Variants in TMEM117 observed in about 807,000 individuals in gnomAD.
TMEM117 encodes transmembrane protein 117.
A neutral mutation model predicts 52.4 loss-of-function variants in TMEM117; 27 were observed. That is an observed-to-expected ratio of 0.51 (90% CI 0.38 to 0.71). TMEM117 has a LOEUF of 0.71. TMEM117 is among the 30% of genes least tolerant of loss of function. TMEM117 has a pLI of 0.00. For missense variants in TMEM117, 556 were observed against 630.5 expected, an observed-to-expected ratio of 0.88 and a Z score of 1.26; for synonymous variants, 215 against 206.3, an observed-to-expected ratio of 1.04 and a Z score of -0.36.
At chr12:43,811,865 C>T in the TMEM117 span, among the ~76,000 whole-genome samples, 12 of 152,290 alleles carry the variant, frequency 7.9e-5, no homozygotes, top group Middle Eastern at 3.4e-3. Flanking sequence ...TATTCCTTTG[C>T]ATAAAAGCAG....
At chr12:43,879,797 C>T (rs2137447481) in intron 2 of TMEM117, among the ~76,000 whole-genome samples, 1 of 152,268 alleles carries the variant, frequency 6.6e-6, no homozygotes, top group East Asian at 1.9e-4. Context: ...CCAGGCCTTC[C>T]TGTGTTATCT....
intron 5 of TMEM117, among the ~76,000 whole-genome samples, chr12:44,238,269 A>T (rs1950021974): frequency 6.6e-6 from 1 of 152,300 alleles, no homozygotes; most frequent in South Asian, 2.1e-4. Context: ...GTATCTTTAC[A>T]AATATTGTAA....
chr12:44,371,288 G>A (rs968254017), intron 6 of TMEM117, among the ~76,000 whole-genome samples: 3 of 152,142 alleles, frequency 2.0e-5, no homozygotes, highest in Admixed American at 2.0e-4. Flanking sequence ...ACGGGGCATA[G>A]AGATTAACAT....
chr12:44,130,259 A>G (rs1390755342), intron 3 of TMEM117, among the ~76,000 whole-genome samples: 5 of 152,190 alleles, frequency 3.3e-5, no homozygotes, highest in Non-Finnish European at 5.9e-5. Flanking sequence ...GTTATAAAAT[A>G]TTATTAAGTG....
intron 3 of TMEM117, among the ~76,000 whole-genome samples, chr12:44,099,776 T>C (rs1035265409): frequency 1.3e-5 from 2 of 152,084 alleles, no homozygotes; most frequent in Non-Finnish European, 2.9e-5. Context: ...AGAAGCAGAA[T>C]ATTATTTTGC....
intron 6 of TMEM117, among the ~76,000 whole-genome samples, chr12:44,364,834 C>A (rs1032934341): frequency 3.9e-5 from 6 of 152,048 alleles, no homozygotes; most frequent in African/African-American, 1.4e-4. Context: ...ATATGCACAG[C>A]CGCAGTATGT....
intron 3 of TMEM117, among the ~76,000 whole-genome samples, chr12:44,024,206 T>C (rs748190240): frequency 2.0e-5 from 3 of 152,200 alleles, no homozygotes; most frequent in Non-Finnish European, 4.4e-5. Context: ...CATTAGGGTG[T>C]GACGGCAAAG....
At chr12:43,968,865 C>A (rs886949766) in intron 3 of TMEM117, among the ~76,000 whole-genome samples, 9 of 152,128 alleles carry the variant, frequency 5.9e-5, no homozygotes, top group Admixed American at 3.9e-4. Flanking sequence ...GTTTTTACTG[C>A]AGCCTGCACA....
chr12:44,021,160 G>A (rs1418317056), intron 3 of TMEM117, among the ~76,000 whole-genome samples: 1 of 151,996 alleles, frequency 6.6e-6, no homozygotes, highest in African/African-American at 2.4e-5. Context: ...TTGTTACATA[G>A]GTAAACTCAT....
At chr12:43,934,608 T>A (rs963385490) in intron 2 of TMEM117, among the ~76,000 whole-genome samples, 88 of 152,314 alleles carry the variant, frequency 5.8e-4, no homozygotes, top group African/African-American at 1.7e-3. Flanking sequence ...TCCTTTTTTT[T>A]ATAGAACCTC....
At chr12:43,801,559 T>C in the TMEM117 span, among the ~76,000 whole-genome samples, 1 of 152,222 alleles carries the variant, frequency 6.6e-6, no homozygotes, top group African/African-American at 2.4e-5. Flanking sequence ...CCAGCTTTCC[T>C]AAAATACTTG....
At chr12:43,876,014 T>A (rs953198111) in intron 2 of TMEM117, among the ~76,000 whole-genome samples, 4 of 152,208 alleles carry the variant, frequency 2.6e-5, no homozygotes, top group African/African-American at 9.6e-5. Flanking sequence ...TTTGATTGGC[T>A]TAGTTCTTTT....
intron 3 of TMEM117, among the ~76,000 whole-genome samples, chr12:44,012,432 C>G (rs1946308201): frequency 6.8e-6 from 1 of 146,726 alleles, no homozygotes; most frequent in Non-Finnish European, 1.5e-5. Context: ...TTCTGATATT[C>G]CCATTACACA....
chr12:44,324,164 T>A (rs1303186350), intron 6 of TMEM117, among the ~76,000 whole-genome samples: 1 of 152,076 alleles, frequency 6.6e-6, no homozygotes, highest in African/African-American at 2.4e-5. Flanking sequence ...GCCATTCTCA[T>A]ATAATTATGG....
the TMEM117 span, among the ~76,000 whole-genome samples, chr12:43,812,624 G>A: frequency 5.9e-5 from 9 of 152,024 alleles, no homozygotes; most frequent in African/African-American, 1.7e-4. Flanking sequence ...TTCTGCTCCC[G>A]GGTCCACACT....
intron 3 of TMEM117, among the ~76,000 whole-genome samples, chr12:44,011,598 T>C (rs7959226): frequency 0.16 from 23,698 of 152,056 alleles, 2,749 homozygotes; most frequent in African/African-American, 0.33. Context: ...TTTTTCATCC[T>C]AGTCTTGAGT....
intron 5 of TMEM117, among the ~76,000 whole-genome samples, chr12:44,255,850 T>C (rs1054865736): frequency 3.9e-5 from 6 of 152,134 alleles, no homozygotes; most frequent in Non-Finnish European, 8.8e-5. Flanking sequence ...AAATATTTTT[T>C]AACATGGAAA....
the TMEM117 span, among the ~76,000 whole-genome samples, chr12:43,822,940 C>T: frequency 6.7e-5 from 10 of 150,062 alleles, no homozygotes; most frequent in Non-Finnish European, 7.4e-5. Context: ...AATTTGAAAA[C>T]CTTTTTCTCT....
intron 6 of TMEM117, among the ~76,000 whole-genome samples, chr12:44,346,999 T>A (rs1951496874): frequency 1.3e-5 from 2 of 152,176 alleles, no homozygotes; most frequent in Admixed American, 1.3e-4. Context: ...GGACATTTAT[T>A]TTTTATTGTT....
Sources: allele counts gnomAD v4.1 joint callset (sites outside exome capture counted in the v4.1 genomes callset), GRCh38; gene constraint gnomAD v4.1.1; transcripts MANE v1.5; gene names NCBI Gene and HGNC (gene_info 2026-07-23, HGNC 2026-07-21).